The following ATPAF2 variants were observed in gnomAD, a reference collection of about 807,000 sequenced individuals.
The protein encoded by ATPAF2 is ATP12 homolog.
ATPAF2 carries 30 observed loss-of-function variants against 36.6 expected under a neutral mutation model. The observed-to-expected ratio is 0.82, with a 90% CI of 0.61 to 1.11. The LOEUF is 1.11. Among genes scored for constraint, ATPAF2 ranks in the 50% most tolerant of loss-of-function variants. The probability of loss-of-function intolerance (pLI) is 0.00; values close to 1 mark genes in which losing one functional copy is unlikely to be tolerated. For synonymous variants in ATPAF2, 140 were observed against 152.6 expected, an observed-to-expected ratio of 0.92 and a Z score of 0.61; for missense variants, 321 against 372.3, an observed-to-expected ratio of 0.86 and a Z score of 1.13.
chr17:18,029,879 T>TAAAA (rs771131818), intron 1 of ATPAF2, among the ~76,000 whole-genome samples: 19 of 53,232 alleles, frequency 3.6e-4, no homozygotes, highest in African/African-American at 1.1e-3. Flanking sequence ...CCTTTAACGC[T>TAAAA]AAAAAAAAAA....
intron 7 of ATPAF2, 118 bp downstream of exon 7, chr17:18,021,005 G>C: frequency 6.8e-7 from 1 of 1,474,544 alleles, no homozygotes; most frequent in South Asian, 1.4e-5. Flanking sequence ...ATTTCTGCGT[G>C]TACATAAAAG....
At chr17:18,022,280 T>C (rs973536404) in intron 5 of ATPAF2, among the ~76,000 whole-genome samples, 3 of 152,214 alleles carry the variant, frequency 2.0e-5, no homozygotes, top group Non-Finnish European at 2.9e-5. Context: ...TCATATATCA[T>C]GGAGGTTTTC....
intron 1 of ATPAF2, among the ~76,000 whole-genome samples, chr17:18,033,302 T>C (rs529341781): frequency 6.7e-6 from 1 of 148,892 alleles, no homozygotes; most frequent in Non-Finnish European, 1.5e-5. Context: ...GCGGAGGTTG[T>C]AGTGAACCAA....
At chr17:18,017,374 C>T (rs1464249544), downstream of ATPAF2, among the ~76,000 whole-genome samples, 1 of 152,154 alleles carries the variant, frequency 6.6e-6, no homozygotes, top group Non-Finnish European at 1.5e-5. Flanking sequence ...AGGCTGCCAG[C>T]CACAGGCAAA....
intron 7 of ATPAF2, among the ~76,000 whole-genome samples, chr17:18,019,185 AC>A (rs1491115894): frequency 3.4e-5 from 5 of 146,232 alleles, no homozygotes; most frequent in East Asian, 2.0e-4. Flanking sequence ...ACACACACAC[AC>A]CCCACCACCC....
At position 18,021,854 on chromosome 17, in the gene ATPAF2, G is replaced by T; in HGVS notation, c.507C>A (p.Tyr169Ter). 6.2e-7 allele frequency: 1 copy of T among 1,613,624 alleles called. No homozygotes were observed. Among genetic ancestry groups the T allele is most frequent in the Non-Finnish European group, 8.5e-7 (1 of 1,179,592 alleles). ...TGGTGGAGGAGCTGATCTCCACGCC[G>T]TATCTGAAAGGAAAAGGGCTTCGGC... ...DPIIEWAEKR[Y>*]GVEISSSTSI... The change falls in exon 6 of 8, where the codon TAC becomes TAA. Residue 169 changes from tyrosine (Y) to a stop codon, truncating the protein, a stop_gained. Coordinates refer to ENST00000474627, the MANE Select transcript of ATPAF2 (RefSeq NM_145691.4). LOFTEE classifies it high-confidence loss of function.
At chr17:18,037,533 G>A (rs1202107662) in intron 1 of ATPAF2, among the ~76,000 whole-genome samples, 3 of 152,092 alleles carry the variant, frequency 2.0e-5, no homozygotes, top group East Asian at 1.9e-4. Context: ...GCAGTGAGCC[G>A]AGATGGTGCC....
At chr17:18,016,257 C>G (rs1597659650), downstream of ATPAF2, 1 of 1,553,514 alleles carries the variant, frequency 6.4e-7, no homozygotes, top group Non-Finnish European at 8.9e-7. Flanking sequence ...CATGGAAATC[C>G]TCCCTAGGTA....
downstream of ATPAF2, chr17:18,015,500 T>TCA (rs2044326081): frequency 6.5e-6 from 1 of 152,846 alleles, no homozygotes; most frequent in Admixed American, 6.5e-5. Context: ...TCTAACAACT[T>TCA]TTTACAAGAC....
intron 1 of ATPAF2, among the ~76,000 whole-genome samples, chr17:18,037,101 A>T (rs187350222): frequency 5.8e-4 from 88 of 152,228 alleles, no homozygotes; most frequent in Non-Finnish European, 1.0e-3. Context: ...GTAAATAAAT[A>T]AATTAATTAA....
chr17:18,031,575 T>C (rs902284679), intron 1 of ATPAF2, among the ~76,000 whole-genome samples: 1 of 151,780 alleles, frequency 6.6e-6, no homozygotes, highest in Non-Finnish European at 1.5e-5. Flanking sequence ...GGTCAGGAGA[T>C]TGAGACCATC....
chr17:18,029,693 C>T (rs139765181), intron 1 of ATPAF2, among the ~76,000 whole-genome samples: 1 of 151,436 alleles, frequency 6.6e-6, no homozygotes, highest in Non-Finnish European at 1.5e-5. Context: ...TGGGTTCAAG[C>T]GACTCTCCTG....
intron 1 of ATPAF2, 96 bp downstream of exon 1, chr17:18,038,784 GA>G: frequency 6.4e-7 from 1 of 1,562,988 alleles, no homozygotes; most frequent in South Asian, 1.1e-5. Context: ...TCATGAGCCT[GA>G]ACCCTGCCTC....
chr17:18,026,088 A>G (rs2044541160), intron 4 of ATPAF2: 2 of 609,838 alleles, frequency 3.3e-6, no homozygotes, highest in Non-Finnish European at 5.9e-6. Context: ...TCCCAGCCTA[A>G]GGAGCAGCTT....
chr17:18,039,005 C>T lies in ATPAF2; in HGVS notation c.9G>A (p.Arg3=). 6.2e-7 allele frequency: 1 copy of T among 1,605,604 alleles called. No homozygotes were observed. The highest frequency in any genetic ancestry group is 8.5e-7 in the Non-Finnish European group (1 of 1,175,982). ...CCCCGTCCCGCAGCCGGAGGCAGCTCCTCCACATCGCGCCCGAGGGTCTGG... is the reference window on the plus strand; with the variant it reads ...CCCCGTCCCGCAGCCGGAGGCAGCTTCTCCACATCGCGCCCGAGGGTCTGG... MW[R]SCLRLRDGGR... is the part of the protein sequence containing the mutation. Residue 3 remains arginine (R), a synonymous_variant, in exon 1 of 8, where the codon AGG becomes AGA. Coordinates refer to ENST00000474627, the MANE Select transcript of ATPAF2 (RefSeq NM_145691.4). The surrounding 1 kb of genome is among the most constrained non-coding windows in gnomAD (Gnocchi z 5.3).
At chr17:18,015,688 C>G (rs2044334548), downstream of ATPAF2, 1 of 186,834 alleles carries the variant, frequency 5.4e-6, no homozygotes, top group Non-Finnish European at 1.1e-5. Context: ...TTCCACCCAG[C>G]AGGCAGAGGT....
intron 1 of ATPAF2, among the ~76,000 whole-genome samples, chr17:18,030,669 CTTTTTT>C (rs545874481): frequency 1.5e-5 from 2 of 136,028 alleles, no homozygotes; most frequent in South Asian, 4.7e-4. Context: ...TTTTCTTTTT[CTTTTTT>C]TTTTTTTTTT....
chr17:18,026,166 G>C, intron 4 of ATPAF2, 153 bp downstream of exon 4: 1 of 746,466 alleles, frequency 1.3e-6, no homozygotes, highest in Non-Finnish European at 2.4e-6. Context: ...CCTCCTAAGG[G>C]GCTACAGAGC....
chr17:18,038,785 A>G, intron 1 of ATPAF2, 96 bp downstream of exon 1: 1 of 1,564,014 alleles, frequency 6.4e-7, no homozygotes, highest in Non-Finnish European at 8.8e-7. Flanking sequence ...CATGAGCCTG[A>G]ACCCTGCCTC....
Sources: gnomAD v4.1 joint callset for allele counts (sites outside exome capture counted in the v4.1 genomes callset) on GRCh38, gnomAD v4.1.1 for gene constraint, Gnocchi (gnomAD v3.1) non-coding constraint, MANE v1.5 for transcripts, NCBI Gene and HGNC (gene_info 2026-07-23, HGNC 2026-07-21) for gene names.